Variants in PCDH9 observed in about 807,000 individuals in gnomAD.
The protein encoded by PCDH9 is protocadherin 9.
PCDH9 carries 24 observed loss-of-function variants against 70.6 expected under a neutral mutation model. The ratio of observed to expected loss-of-function variants is 0.34; its 90% CI spans 0.25 to 0.48. PCDH9 has a LOEUF of 0.48. Among genes scored for constraint, PCDH9 ranks in the 20% least tolerant of loss-of-function variants. PCDH9 has a pLI of 0.99. For synonymous variants in PCDH9, 562 were observed against 558.5 expected (o/e 1.01, Z -0.09); for missense variants, 1,281 against 1,503.6 (o/e 0.85, Z 2.45).
chr13:66,982,381 G>A (rs1211873616), intron 2 of PCDH9, among the ~76,000 whole-genome samples: 1 of 152,064 alleles, frequency 6.6e-6, no homozygotes, highest in Non-Finnish European at 1.5e-5. Context: ...TAAAATATAT[G>A]TTTGCCTATA....
intron 3 of PCDH9, among the ~76,000 whole-genome samples, chr13:66,823,765 T>A (rs2080758769): frequency 6.6e-6 from 1 of 152,152 alleles, no homozygotes; most frequent in Admixed American, 6.5e-5. Flanking sequence ...AATATAGAAC[T>A]CATACAATTG....
At chr13:66,711,577 T>C (rs1293044558) in intron 3 of PCDH9, among the ~76,000 whole-genome samples, 2 of 152,118 alleles carry the variant, frequency 1.3e-5, no homozygotes, top group African/African-American at 4.8e-5. Context: ...ACAATGTTAT[T>C]TCATGTTCAT....
chr13:66,400,601 A>C (rs1957169105), intron 4 of PCDH9, among the ~76,000 whole-genome samples: 1 of 152,198 alleles, frequency 6.6e-6, no homozygotes, highest in South Asian at 2.1e-4. Context: ...TTGGGTTTCC[A>C]CATCCACTGA....
intron 4 of PCDH9, among the ~76,000 whole-genome samples, chr13:66,596,814 A>G (rs2077109349): frequency 1.9e-5 from 2 of 104,462 alleles, no homozygotes; most frequent in South Asian, 2.9e-4. Context: ...TTATAATACA[A>G]AAAAAAAAAC....
At chr13:66,528,346 A>T (rs1960302074) in intron 4 of PCDH9, among the ~76,000 whole-genome samples, 1 of 152,128 alleles carries the variant, frequency 6.6e-6, no homozygotes, top group Non-Finnish European at 1.5e-5. Context: ...TCACTCAATT[A>T]TCCTCTCTTC....
At chr13:66,796,747 C>T (rs765953920) in intron 3 of PCDH9, among the ~76,000 whole-genome samples, 1 of 151,802 alleles carries the variant, frequency 6.6e-6, no homozygotes, top group Non-Finnish European at 1.5e-5. Context: ...AGCACAAAGC[C>T]TAGGAGATAT....
rs141251462 is a variant in PCDH9 at position 66,430,013 on chromosome 13, G to C, written c.3341-124985C>G. On this transcript the variant is annotated intron_variant, in intron 4 of 4. Transcript: ENST00000377865. ...TTTAAGTAGCCAAAAGAGCTCTCTTGTATATAGATAGATTCAAATCCAGAT... is the reference window on the plus strand; with the variant it reads ...TTTAAGTAGCCAAAAGAGCTCTCTTCTATATAGATAGATTCAAATCCAGAT... 1.6e-3 allele frequency among the ~76,000 whole-genome samples: 251 copies of C among 152,146 alleles called. 2 individuals carry two copies. Among genetic ancestry groups the C allele is most frequent in the African/African-American group, 5.5e-3 (228 of 41,554 alleles).
At chr13:66,476,532 A>G (rs1268655830) in intron 4 of PCDH9, among the ~76,000 whole-genome samples, 2 of 152,122 alleles carry the variant, frequency 1.3e-5, no homozygotes, top group African/African-American at 4.8e-5. Flanking sequence ...ATTAATATAA[A>G]TTTAAGTAAA....
intron 3 of PCDH9, among the ~76,000 whole-genome samples, chr13:66,700,031 T>C (rs1349403009): frequency 6.6e-6 from 1 of 152,098 alleles, no homozygotes; most frequent in Non-Finnish European, 1.5e-5. Flanking sequence ...ACATATTAAT[T>C]TAGAGACCTC....
intron 4 of PCDH9, among the ~76,000 whole-genome samples, chr13:66,622,512 A>G (rs1392171683): frequency 2.0e-5 from 3 of 152,130 alleles, no homozygotes; most frequent in East Asian, 3.9e-4. Context: ...AAACACACCA[A>G]TCAACACCCT....
chr13:66,880,396 T>A (rs2081902664), intron 3 of PCDH9, among the ~76,000 whole-genome samples: 1 of 152,188 alleles, frequency 6.6e-6, no homozygotes, highest in Non-Finnish European at 1.5e-5. Context: ...TGATGAGGGA[T>A]GAGACAAGTG....
chr13:66,390,356 A>T (rs2138266278), intron 4 of PCDH9, among the ~76,000 whole-genome samples: 1 of 152,260 alleles, frequency 6.6e-6, no homozygotes, highest in East Asian at 1.9e-4. Flanking sequence ...TAATTAGATC[A>T]CATTCTCTAC....
intron 3 of PCDH9, among the ~76,000 whole-genome samples, chr13:66,883,935 C>T: frequency 7.1e-6 from 1 of 141,076 alleles, no homozygotes; most frequent in East Asian, 2.2e-4. Flanking sequence ...CCAAGTCTCA[C>T]TCTGTTGCCC....
intron 2 of PCDH9, among the ~76,000 whole-genome samples, chr13:66,979,369 A>G (rs1314285444): frequency 6.6e-6 from 1 of 152,162 alleles, no homozygotes. Flanking sequence ...TATTTTATCC[A>G]AAGTCTGTAA....
rs574206207 is a variant in PCDH9 at position 66,843,560 on chromosome 13, G to A, written c.3138+59944C>T. On this transcript the variant is annotated intron_variant, in intron 3 of 4. Transcript: ENST00000377865. Reference sequence around the variant, plus strand: ...ACAAACGTCTTCACCTTCAGTCTCTGAATCTGAGGCCAAGGACAAGCAAGG... The same window carrying A: ...ACAAACGTCTTCACCTTCAGTCTCTAAATCTGAGGCCAAGGACAAGCAAGG... Among the ~76,000 whole-genome samples, 38 of 152,316 alleles carry A rather than the reference G, an allele frequency of 2.5e-4. No individual in the cohort carries two copies. In the Middle Eastern group the frequency reaches 0.01, roughly 41 times the overall value.
intron 2 of PCDH9, among the ~76,000 whole-genome samples, chr13:67,142,185 CGTAA>C (rs1048686439): frequency 1.3e-5 from 2 of 151,964 alleles, no homozygotes; most frequent in African/African-American, 4.8e-5. Context: ...GTTCTGCTAC[CGTAA>C]GTTTTTAAAA....
chr13:66,753,383 G>A (rs1014909089), intron 3 of PCDH9, among the ~76,000 whole-genome samples: 6 of 152,062 alleles, frequency 3.9e-5, no homozygotes, highest in African/African-American at 9.7e-5. Context: ...CCAAGACAGA[G>A]AAATCATGTT....
At chr13:66,535,467 C>T (rs1225774088) in intron 4 of PCDH9, among the ~76,000 whole-genome samples, 1 of 152,056 alleles carries the variant, frequency 6.6e-6, no homozygotes, top group Admixed American at 6.6e-5. Flanking sequence ...CATTTACCAG[C>T]TGTAGTTACT....
chr13:66,728,768 T>C (rs1343462475), intron 3 of PCDH9, among the ~76,000 whole-genome samples: 2 of 152,108 alleles, frequency 1.3e-5, no homozygotes, highest in Non-Finnish European at 2.9e-5. Flanking sequence ...GACTCCATCA[T>C]ATCTTTCTTT....
Sources: allele counts gnomAD v4.1 joint callset (sites outside exome capture counted in the v4.1 genomes callset), GRCh38; gene constraint gnomAD v4.1.1; transcripts MANE v1.5; gene names NCBI Gene and HGNC (gene_info 2026-07-23, HGNC 2026-07-21).